PAK5: variants seen among roughly 807,000 people sequenced by gnomAD.
PAK5 encodes the protein p21 (RAC1) activated kinase 5.
In PAK5, 16 loss-of-function variants were observed where a neutral mutation model predicts 65.9. That is an observed-to-expected ratio of 0.24 (90% CI 0.16 to 0.37). The LOEUF is 0.37. PAK5 is among the 10% of genes least tolerant of loss of function. The pLI is 1.00. For synonymous variants in PAK5, 371 were observed against 354.9 expected, an observed-to-expected ratio of 1.05 and a Z score of -0.51; for missense variants, 785 against 903.9, an observed-to-expected ratio of 0.87 and a Z score of 1.69.
chr20:9,653,541 T>C (rs1233255591), intron 2 of PAK5, among the ~76,000 whole-genome samples: 3 of 152,214 alleles, frequency 2.0e-5, no homozygotes, highest in Non-Finnish European at 4.4e-5. Flanking sequence ...TTGCATTAAA[T>C]TGTGGAAGCC....
intron 1 of PAK5, among the ~76,000 whole-genome samples, chr20:9,834,465 C>T (rs112348338): frequency 1.7e-3 from 265 of 152,254 alleles, no homozygotes; most frequent in African/African-American, 5.3e-3. Flanking sequence ...AGCAATTTCT[C>T]TCCTAATTTA....
At chr20:9,690,819 A>G (rs1213589295) in intron 2 of PAK5, among the ~76,000 whole-genome samples, 1 of 145,626 alleles carries the variant, frequency 6.9e-6, no homozygotes, top group Non-Finnish European at 1.5e-5. Flanking sequence ...CAATGGCGCA[A>G]TTAGGCTCAC....
chr20:9,740,859 C>T (rs780433007), intron 1 of PAK5, among the ~76,000 whole-genome samples: 1 of 152,190 alleles, frequency 6.6e-6, no homozygotes, highest in African/African-American at 2.4e-5. Context: ...AGCATGACTG[C>T]AGCAGTAGAT....
At chr20:9,595,114 T>A (rs1466693967) in intron 3 of PAK5, among the ~76,000 whole-genome samples, 1 of 150,482 alleles carries the variant, frequency 6.6e-6, no homozygotes, top group South Asian at 2.1e-4. Context: ...TATACACATA[T>A]ACATATATAT....
chr20:9,771,406 A>T (rs117751528), intron 1 of PAK5, among the ~76,000 whole-genome samples: 103,214 of 143,098 alleles, frequency 0.72, 36,100 homozygotes, highest in East Asian at 0.87. Flanking sequence ...CTATAATTTA[A>T]AAAAATTTTT....
intron 3 of PAK5, among the ~76,000 whole-genome samples, chr20:9,618,712 T>G (rs2046708797): frequency 6.6e-6 from 1 of 150,872 alleles, no homozygotes; most frequent in South Asian, 2.1e-4. Flanking sequence ...TGCGCCCGGC[T>G]GGAACTTATT....
rs746432822 is a variant in PAK5, at chr20:9,542,708, A to G, written c.1882T>C (p.Ser628Pro). The change falls in exon 9 of 10, where the codon TCC becomes CCC. Residue 628 changes from serine to proline, a missense_variant. Around this residue, in one of 4 missense-constraint regions of PAK5, gnomAD observed 182 missense variants for 273.0 expected, o/e 0.67. Transcript: ENST00000353224. ...ATTTCTATCACCATGATCCCGAGGG[A>G]CCAGATGTCCACCTGTTAGGCACAC... ...LPYGTEVDIWSLGIMVIEMID... is the reference protein window; with the variant it reads ...LPYGTEVDIWPLGIMVIEMID... 5 of 1,614,034 alleles carry G rather than the reference A, an allele frequency of 3.1e-6. No individual in the cohort carries two copies. In the South Asian group the frequency reaches 5.5e-5, roughly 18 times the overall value.
At chr20:9,799,964 A>C (rs891673295) in intron 1 of PAK5, among the ~76,000 whole-genome samples, 3 of 150,148 alleles carry the variant, frequency 2.0e-5, no homozygotes, top group African/African-American at 7.3e-5. Flanking sequence ...AAAAAAAAAA[A>C]AATGAAAGAA....
intron 2 of PAK5, among the ~76,000 whole-genome samples, chr20:9,700,467 A>G (rs1380351049): frequency 6.6e-6 from 1 of 152,078 alleles, no homozygotes; most frequent in Non-Finnish European, 1.5e-5. Flanking sequence ...ATAAACCAAG[A>G]TTTCTCATTC....
At chr20:9,564,903 A>T (rs2045649381) in intron 5 of PAK5, among the ~76,000 whole-genome samples, 1 of 151,816 alleles carries the variant, frequency 6.6e-6, no homozygotes, top group African/African-American at 2.4e-5. Context: ...TAATAAAAAT[A>T]AGTAATGTAT....
chr20:9,550,520 G>T (rs2045410456), intron 7 of PAK5, among the ~76,000 whole-genome samples: 1 of 152,144 alleles, frequency 6.6e-6, no homozygotes, highest in African/African-American at 2.4e-5. Context: ...GGAGGGAGTA[G>T]GTGGTGGTTA....
At chr20:9,587,694 C>A (rs2046093916) in intron 3 of PAK5, among the ~76,000 whole-genome samples, 1 of 151,930 alleles carries the variant, frequency 6.6e-6, no homozygotes, top group Non-Finnish European at 1.5e-5. Context: ...GCCTGGGATG[C>A]TAGAGTTCCA....
At chr20:9,810,530 A>G (rs2049286776) in intron 1 of PAK5, among the ~76,000 whole-genome samples, 2 of 152,226 alleles carry the variant, frequency 1.3e-5, no homozygotes, top group Admixed American at 1.3e-4. Flanking sequence ...TGGGTGACAC[A>G]GCAAGACCCT....
intron 2 of PAK5, among the ~76,000 whole-genome samples, chr20:9,687,390 G>A (rs1275488005): frequency 6.6e-6 from 1 of 152,140 alleles, no homozygotes; most frequent in Non-Finnish European, 1.5e-5. Context: ...TGTCTAACTT[G>A]TAAAGTATTT....
chr20:9,619,474 A>G (rs981964174), intron 3 of PAK5, among the ~76,000 whole-genome samples: 1 of 152,148 alleles, frequency 6.6e-6, no homozygotes. Context: ...CTCAGACACC[A>G]AATCCCTAAC....
intron 1 of PAK5, among the ~76,000 whole-genome samples, chr20:9,771,433 G>A (rs1360608598): frequency 6.6e-6 from 1 of 150,892 alleles, no homozygotes; most frequent in African/African-American, 2.4e-5. Flanking sequence ...TTCTGAGATA[G>A]GGTCTTGCTC....
intron 2 of PAK5, among the ~76,000 whole-genome samples, chr20:9,652,816 C>T (rs1163552209): frequency 1.3e-5 from 2 of 152,170 alleles, no homozygotes; most frequent in Non-Finnish European, 2.9e-5. Context: ...CGACTTCATA[C>T]CTGAATCTTT....
At chr20:9,725,608 T>A (rs1486882061) in intron 1 of PAK5, among the ~76,000 whole-genome samples, 1 of 152,174 alleles carries the variant, frequency 6.6e-6, no homozygotes, top group Non-Finnish European at 1.5e-5. Context: ...TCTTATTCGA[T>A]AAATTTAATT....
intron 1 of PAK5, among the ~76,000 whole-genome samples, chr20:9,733,346 A>G (rs950586405): frequency 5.3e-5 from 8 of 152,070 alleles, no homozygotes; most frequent in Admixed American, 5.2e-4. Context: ...ACCATAATCA[A>G]GCTAATTAGC....
Sources: allele counts gnomAD v4.1 joint callset (sites outside exome capture counted in the v4.1 genomes callset), GRCh38; gene constraint gnomAD v4.1.1; regional missense constraint gnomAD v4.1.1; transcripts MANE v1.5; gene names NCBI Gene and HGNC (gene_info 2026-07-23, HGNC 2026-07-21).